Variants in KCNH1 observed in about 807,000 individuals in gnomAD.
KCNH1 encodes the protein potassium voltage-gated channel subfamily H member 1, also known as voltage-gated delayed rectifier potassium channel KCNH1.
KCNH1 carries 27 observed loss-of-function variants against 69.2 expected under a neutral mutation model. That is an observed-to-expected ratio of 0.39 (90% CI 0.29 to 0.54). The LOEUF is 0.54. KCNH1 is among the 20% of genes least tolerant of loss of function. The pLI, the probability that KCNH1 is intolerant of heterozygous loss-of-function variation, is 0.68. For synonymous variants in KCNH1, 456 were observed against 487.7 expected, an observed-to-expected ratio of 0.93 and a Z score of 0.86; for missense variants, 798 against 1,261.6, an observed-to-expected ratio of 0.63 and a Z score of 5.57.
At chr1:210,996,495 C>G (rs1356510586) in intron 6 of KCNH1, among the ~76,000 whole-genome samples, 2 of 152,250 alleles carry the variant, frequency 1.3e-5, no homozygotes, top group Admixed American at 1.3e-4. Context: ...GAACCTCGAA[C>G]TGGGTGGAGC....
At chr1:210,979,094 A>T (rs61849024) in intron 6 of KCNH1, among the ~76,000 whole-genome samples, 19,836 of 152,092 alleles carry the variant, frequency 0.13, 1,630 homozygotes, top group East Asian at 0.39. Flanking sequence ...TGTCAATTCC[A>T]CTGACAATGC....
At chr1:210,697,934 A>G (rs1270563279) in intron 10 of KCNH1, among the ~76,000 whole-genome samples, 1 of 152,246 alleles carries the variant, frequency 6.6e-6, no homozygotes, top group Non-Finnish European at 1.5e-5. Context: ...CTTGTGGTGC[A>G]TATCAAGCAA....
intron 10 of KCNH1, among the ~76,000 whole-genome samples, chr1:210,720,741 T>G (rs1430011141): frequency 6.6e-6 from 1 of 152,158 alleles, no homozygotes. Flanking sequence ...AATCCCTTTC[T>G]CAAGGGACTC....
intron 10 of KCNH1, among the ~76,000 whole-genome samples, chr1:210,737,716 C>G (rs149974293): frequency 6.6e-6 from 1 of 152,216 alleles, no homozygotes; most frequent in Non-Finnish European, 1.5e-5. Context: ...TCCAGTTCAT[C>G]AGGCCAAAGG....
At chr1:210,824,972 T>C (rs1558485228) in intron 7 of KCNH1, among the ~76,000 whole-genome samples, 1 of 152,188 alleles carries the variant, frequency 6.6e-6, no homozygotes, top group Non-Finnish European at 1.5e-5. Flanking sequence ...AAATCACCAA[T>C]CTTATAAAAA....
At chr1:210,854,548 T>C (rs1031984143) in intron 7 of KCNH1, among the ~76,000 whole-genome samples, 1 of 152,174 alleles carries the variant, frequency 6.6e-6, no homozygotes, top group African/African-American at 2.4e-5. Context: ...GTGGCAGAGC[T>C]TATGTCTGAA....
intron 6 of KCNH1, among the ~76,000 whole-genome samples, chr1:211,009,264 T>C (rs1047296715): frequency 3.3e-5 from 5 of 152,150 alleles, no homozygotes; most frequent in African/African-American, 9.7e-5. Context: ...CAACAACAGT[T>C]ACAGTTTCAA....
intron 1 of KCNH1, among the ~76,000 whole-genome samples, chr1:211,110,990 G>T (rs1180818907): frequency 6.6e-6 from 1 of 151,978 alleles, no homozygotes; most frequent in East Asian, 1.9e-4. Flanking sequence ...GCATAGAATG[G>T]TTATTTACAT....
chr1:210,782,212 A>G (rs946672116), intron 9 of KCNH1, among the ~76,000 whole-genome samples: 1 of 152,204 alleles, frequency 6.6e-6, no homozygotes, highest in Admixed American at 6.5e-5. Flanking sequence ...TTGAATGTAT[A>G]TATAAATGAA....
At chr1:210,982,248 A>G (rs575857394) in intron 6 of KCNH1, among the ~76,000 whole-genome samples, 3 of 151,510 alleles carry the variant, frequency 2.0e-5, no homozygotes, top group Non-Finnish European at 4.4e-5. Flanking sequence ...TATTATTATT[A>G]TAAAGTTTTA....
At chr1:211,060,823 G>C (rs1398239293) in intron 5 of KCNH1, among the ~76,000 whole-genome samples, 1 of 152,012 alleles carries the variant, frequency 6.6e-6, no homozygotes, top group African/African-American at 2.4e-5. Context: ...TAATAAAAAA[G>C]TCTCCCATCA....
At chr1:210,931,670 T>A (rs952399309) in intron 6 of KCNH1, among the ~76,000 whole-genome samples, 24 of 152,048 alleles carry the variant, frequency 1.6e-4, no homozygotes, top group Non-Finnish European at 2.6e-4. Flanking sequence ...AAATTAAATT[T>A]AATTTAATTT....
At chr1:210,831,390 A>G (rs1387921681) in intron 7 of KCNH1, among the ~76,000 whole-genome samples, 1 of 152,220 alleles carries the variant, frequency 6.6e-6, no homozygotes, top group Non-Finnish European at 1.5e-5. Context: ...AAAGCTTTTA[A>G]TGAGTTTTGT....
At chr1:210,788,684 T>C (rs1473415913) in intron 9 of KCNH1, among the ~76,000 whole-genome samples, 1 of 122,762 alleles carries the variant, frequency 8.1e-6, no homozygotes, top group Admixed American at 9.3e-5. Flanking sequence ...ATAGCTTCTT[T>C]CTTTTTTTTT....
At chr1:210,963,301 A>G (rs1475171235) in intron 6 of KCNH1, among the ~76,000 whole-genome samples, 2 of 152,168 alleles carry the variant, frequency 1.3e-5, no homozygotes, top group African/African-American at 4.8e-5. Flanking sequence ...ATTAAAGTCC[A>G]AAGGTAGATA....
intron 7 of KCNH1, among the ~76,000 whole-genome samples, chr1:210,882,213 T>A (rs1686510641): frequency 6.6e-6 from 1 of 152,294 alleles, no homozygotes; most frequent in South Asian, 2.1e-4. Flanking sequence ...AATTCTATTA[T>A]AAAATTTTTA....
At chr1:210,823,934 G>A (rs1041438362) in intron 7 of KCNH1, among the ~76,000 whole-genome samples, 28 of 150,326 alleles carry the variant, frequency 1.9e-4, no homozygotes, top group African/African-American at 5.9e-4. Context: ...TGCTCCAAAT[G>A]TGCCCATTTT....
At chr1:210,836,039 G>A (rs1558489954) in intron 7 of KCNH1, among the ~76,000 whole-genome samples, 3 of 149,016 alleles carry the variant, frequency 2.0e-5, no homozygotes. Flanking sequence ...CTGAACCTGG[G>A]AGGCGGAGGT....
intron 1 of KCNH1, among the ~76,000 whole-genome samples, chr1:211,124,778 C>G (rs925937214): frequency 2.0e-5 from 3 of 152,166 alleles, no homozygotes; most frequent in African/African-American, 7.2e-5. Flanking sequence ...GAGGTATAGG[C>G]AGTAGTGTGT....
Sources: allele counts gnomAD v4.1 joint callset (sites outside exome capture counted in the v4.1 genomes callset), GRCh38; gene constraint gnomAD v4.1.1; transcripts MANE v1.5; gene names NCBI Gene and HGNC (gene_info 2026-07-23, HGNC 2026-07-21).